ZNF804A: variants seen among roughly 807,000 people sequenced by gnomAD.
The protein encoded by ZNF804A is zinc finger protein 804A.
Under a neutral mutation model 16.5 loss-of-function variants are expected in ZNF804A, and 2 were observed. That is an observed-to-expected ratio of 0.12 (90% CI 0.05 to 0.38). The LOEUF (loss-of-function observed/expected upper bound fraction) is 0.38, where lower values mean the gene tolerates loss of function less well. Among genes scored for constraint, ZNF804A ranks in the 10% least tolerant of loss-of-function variants. The pLI, the probability that ZNF804A is intolerant of heterozygous loss-of-function variation, is 0.99. For synonymous variants in ZNF804A, 534 were observed against 489.6 expected, an observed-to-expected ratio of 1.09 and a Z score of -1.20; for missense variants, 1,473 against 1,390.7, an observed-to-expected ratio of 1.06 and a Z score of -0.94.
intron 1 of ZNF804A, among the ~76,000 whole-genome samples, chr2:184,662,824 T>G (rs1410890839): frequency 6.6e-6 from 1 of 152,214 alleles, no homozygotes. Context: ...CACCTAACCT[T>G]GAGACTACCC....
chr2:184,695,465 TAAAAAAAAAAAAAA>T (rs779929990), intron 1 of ZNF804A, among the ~76,000 whole-genome samples: 2 of 51,854 alleles, frequency 3.9e-5, no homozygotes, highest in African/African-American at 9.4e-5. Flanking sequence ...ACTCCGTCAT[TAAAAAAAAAAAAAA>T]AAAAAAAAAA....
intron 1 of ZNF804A, among the ~76,000 whole-genome samples, chr2:184,794,242 AT>A (rs887135282): frequency 2.8e-4 from 43 of 151,170 alleles, no homozygotes; most frequent in South Asian, 1.5e-3. Context: ...TAAATTTTTA[AT>A]TTTTTTTTAT....
intron 1 of ZNF804A, among the ~76,000 whole-genome samples, chr2:184,696,049 G>A (rs1308572972): frequency 6.6e-6 from 1 of 152,104 alleles, no homozygotes; most frequent in Non-Finnish European, 1.5e-5. Context: ...TATTATTGCT[G>A]ATGGAGAAGT....
At chr2:184,607,447 C>A (rs944797171) in intron 1 of ZNF804A, among the ~76,000 whole-genome samples, 19 of 152,016 alleles carry the variant, frequency 1.2e-4, no homozygotes, top group African/African-American at 4.3e-4. Flanking sequence ...GGAGAAGTGC[C>A]GAGTGAAGGC....
chr2:184,868,984 A>T (rs1411212729), intron 2 of ZNF804A, among the ~76,000 whole-genome samples: 1 of 152,094 alleles, frequency 6.6e-6, no homozygotes, highest in Non-Finnish European at 1.5e-5. Context: ...TAATCTGGAA[A>T]GCTGAAATCC....
intron 1 of ZNF804A, among the ~76,000 whole-genome samples, chr2:184,708,148 ATTTG>A (rs1302394070): frequency 2.0e-5 from 3 of 151,498 alleles, no homozygotes; most frequent in Non-Finnish European, 2.9e-5. Flanking sequence ...ATGCTTGTTG[ATTTG>A]TTTAAGTTTC....
chr2:184,652,485 A>G (rs964446203), intron 1 of ZNF804A, among the ~76,000 whole-genome samples: 1 of 152,192 alleles, frequency 6.6e-6, no homozygotes, highest in African/African-American at 2.4e-5. Flanking sequence ...ATTTTAAATG[A>G]AAAATATGTT....
Position 184,939,090 on chromosome 2 carries a change from T to C in ZNF804A, c.*64T>C. 1 of 1,556,990 alleles carries C rather than the reference T, an allele frequency of 6.4e-7. No homozygotes were observed. The highest frequency in any genetic ancestry group is 8.7e-7 in the Non-Finnish European group (1 of 1,148,076). On this transcript the variant is annotated 3_prime_UTR_variant, in exon 4 of 4. Transcript: ENST00000302277. ...TATTGCTATATGCGTTAAGTGTTCATCTATGTGGGTACATGGCTATTTAAC... is the reference window on the plus strand; with the variant it reads ...TATTGCTATATGCGTTAAGTGTTCACCTATGTGGGTACATGGCTATTTAAC...
At chr2:184,831,725 T>C (rs903503509) in intron 1 of ZNF804A, among the ~76,000 whole-genome samples, 2 of 148,172 alleles carry the variant, frequency 1.3e-5, no homozygotes, top group African/African-American at 5.0e-5. Flanking sequence ...CTATGTGATG[T>C]TGGCCTCACT....
chr2:184,638,978 A>G (rs1355707247), intron 1 of ZNF804A, among the ~76,000 whole-genome samples: 1 of 151,984 alleles, frequency 6.6e-6, no homozygotes, highest in Non-Finnish European at 1.5e-5. Context: ...GTTTCTCATC[A>G]AATCACACTC....
At chr2:184,823,585 T>C (rs1467955732) in intron 1 of ZNF804A, among the ~76,000 whole-genome samples, 5 of 152,162 alleles carry the variant, frequency 3.3e-5, no homozygotes, top group Admixed American at 6.6e-5. Flanking sequence ...TTTGTCAAAA[T>C]TGTCTACAAC....
chr2:184,914,557 T>G (rs1245545310), intron 2 of ZNF804A, among the ~76,000 whole-genome samples: 1 of 152,192 alleles, frequency 6.6e-6, no homozygotes, highest in Non-Finnish European at 1.5e-5. Context: ...TAACAGAAAT[T>G]GATATTCCAC....
intron 1 of ZNF804A, among the ~76,000 whole-genome samples, chr2:184,720,894 G>A (rs752016343): frequency 1.3e-5 from 2 of 152,008 alleles, no homozygotes; most frequent in African/African-American, 2.4e-5. Flanking sequence ...TACAAAAACA[G>A]ATACATAAAG....
chr2:184,805,769 C>T (rs74961493), intron 1 of ZNF804A, among the ~76,000 whole-genome samples: 2,314 of 152,032 alleles, frequency 0.015, 26 homozygotes, highest in Admixed American at 0.032. Flanking sequence ...GAGATTTTGA[C>T]ATTTATTAAA....
At chr2:184,852,745 A>G (rs951937343) in intron 1 of ZNF804A, among the ~76,000 whole-genome samples, 5 of 151,836 alleles carry the variant, frequency 3.3e-5, no homozygotes, top group African/African-American at 1.2e-4. Flanking sequence ...TTTGCCAAAA[A>G]TGCATTGACT....
chr2:184,607,154 A>G (rs1186380777), intron 1 of ZNF804A, among the ~76,000 whole-genome samples: 1 of 152,212 alleles, frequency 6.6e-6, no homozygotes, highest in Non-Finnish European at 1.5e-5. Flanking sequence ...TCAAGCATCT[A>G]AAACAACCTC....
Position 184,783,730 on chromosome 2 carries a change from T to G in ZNF804A, c.112-82639T>G, listed in dbSNP as rs368296504. 4.6e-5 allele frequency among the ~76,000 whole-genome samples: 7 copies of G among 152,070 alleles called. No homozygotes were observed. The South Asian group carries it at 8.3e-4, about 18-fold the overall frequency. On this transcript the variant is annotated intron_variant, in intron 1 of 3. Coordinates refer to ENST00000302277, the MANE Select transcript of ZNF804A (RefSeq NM_194250.2). ...CAGAGCCACGTATTCCACAGTGCCCTTTCCATAGCACATCTAAGCTCTGGA... is the reference window on the plus strand; with the variant it reads ...CAGAGCCACGTATTCCACAGTGCCCGTTCCATAGCACATCTAAGCTCTGGA...
At chr2:184,803,501 A>C (rs1231618015) in intron 1 of ZNF804A, among the ~76,000 whole-genome samples, 1 of 152,096 alleles carries the variant, frequency 6.6e-6, no homozygotes, top group Non-Finnish European at 1.5e-5. Flanking sequence ...AAGCATCTCC[A>C]AATACTGTCC....
chr2:184,835,646 T>C (rs1462923496), intron 1 of ZNF804A, among the ~76,000 whole-genome samples: 3 of 149,594 alleles, frequency 2.0e-5, no homozygotes, highest in Non-Finnish European at 3.0e-5. Context: ...AAATAATTCA[T>C]TTAGCTCAGG....
Sources: allele counts gnomAD v4.1 joint callset (sites outside exome capture counted in the v4.1 genomes callset), GRCh38; gene constraint gnomAD v4.1.1; transcripts MANE v1.5; gene names NCBI Gene and HGNC (gene_info 2026-07-23, HGNC 2026-07-21).